The following GALNT13 variants were observed in gnomAD, a reference collection of about 807,000 sequenced individuals.
GALNT13 encodes UDP-GalNAc:polypeptide N-acetylgalactosaminyltransferase 13.
Under a neutral mutation model 64.2 loss-of-function variants are expected in GALNT13, and 28 were observed. That is an observed-to-expected ratio of 0.44 (90% CI 0.32 to 0.60). The LOEUF is 0.60. Ranked by LOEUF, GALNT13 falls within the 20% of genes least tolerant of loss-of-function variation. The probability of loss-of-function intolerance (pLI) is 0.05; values close to 1 mark genes in which losing one functional copy is unlikely to be tolerated. For synonymous variants in GALNT13, 214 were observed against 224.6 expected (o/e 0.95, Z 0.42); for missense variants, 577 against 669.8 (o/e 0.86, Z 1.53).
the GALNT13 span, among the ~76,000 whole-genome samples, chr2:153,090,373 T>A: frequency 6.6e-6 from 1 of 152,194 alleles, no homozygotes; most frequent in East Asian, 1.9e-4. Flanking sequence ...GAAGATTCTG[T>A]GAGAGTCCTT....
the GALNT13 span, among the ~76,000 whole-genome samples, chr2:153,632,987 C>G: frequency 1.3e-3 from 196 of 152,212 alleles, 2 homozygotes; most frequent in Non-Finnish European, 1.3e-3. Context: ...TCTCGAACTC[C>G]TGACCTCAAT....
intron 9 of GALNT13, among the ~76,000 whole-genome samples, chr2:154,352,052 A>G (rs1482767185): frequency 6.6e-6 from 1 of 152,204 alleles, no homozygotes; most frequent in Non-Finnish European, 1.5e-5. Context: ...TTTGATAACA[A>G]TACAAACTAG....
At chr2:153,151,247 C>T in the GALNT13 span, among the ~76,000 whole-genome samples, 730 of 151,922 alleles carry the variant, frequency 4.8e-3, 5 homozygotes, top group African/African-American at 0.017. Flanking sequence ...TCATCACTGG[C>T]CATCAGAGAA....
the GALNT13 span, among the ~76,000 whole-genome samples, chr2:153,403,892 C>T: frequency 3.3e-5 from 5 of 152,288 alleles, no homozygotes; most frequent in South Asian, 4.1e-4. Flanking sequence ...CCGTCTTCTG[C>T]GTCGCTCACA....
the GALNT13 span, among the ~76,000 whole-genome samples, chr2:153,762,818 T>C: frequency 0.9 from 134,502 of 150,116 alleles, 61,255 homozygotes; most frequent in African/African-American, 0.97. Flanking sequence ...GTTTTATATA[T>C]ATTTTTTCTT....
At chr2:153,120,698 A>G in the GALNT13 span, among the ~76,000 whole-genome samples, 5 of 152,142 alleles carry the variant, frequency 3.3e-5, no homozygotes. Flanking sequence ...ATTATTTGTT[A>G]TTTAGTACAA....
chr2:153,615,496 T>C, the GALNT13 span, among the ~76,000 whole-genome samples: 1 of 152,074 alleles, frequency 6.6e-6, no homozygotes, highest in Non-Finnish European at 1.5e-5. Context: ...CCACCAACCA[T>C]GTACAAGGGT....
chr2:153,513,538 CAGTT>C, the GALNT13 span, among the ~76,000 whole-genome samples: 5 of 152,332 alleles, frequency 3.3e-5, no homozygotes, highest in Admixed American at 6.5e-5. Flanking sequence ...CCCTCTTCCT[CAGTT>C]AGTTTGGTGC....
chr2:153,974,241 A>C (rs10931862), intron 3 of GALNT13, among the ~76,000 whole-genome samples: 2 of 151,966 alleles, frequency 1.3e-5, no homozygotes, highest in African/African-American at 2.4e-5. Flanking sequence ...GAAACTGTCT[A>C]TGGTCTGGCT....
chr2:153,897,855 G>A (rs191788424), intron 1 of GALNT13, among the ~76,000 whole-genome samples: 1 of 152,120 alleles, frequency 6.6e-6, no homozygotes, highest in East Asian at 1.9e-4. Context: ...ACCAGTAAAA[G>A]CCTCTTGAAG....
chr2:153,206,621 A>G, the GALNT13 span, among the ~76,000 whole-genome samples: 1 of 152,022 alleles, frequency 6.6e-6, no homozygotes, highest in South Asian at 2.1e-4. Flanking sequence ...AATGTAACTG[A>G]AGAGTTCATT....
chr2:153,696,982 C>T, the GALNT13 span, among the ~76,000 whole-genome samples: 1 of 152,246 alleles, frequency 6.6e-6, no homozygotes, highest in African/African-American at 2.4e-5. Context: ...GGAGTCAAAG[C>T]CATTTTCTAA....
chr2:153,946,657 C>A (rs1691770833), intron 3 of GALNT13, among the ~76,000 whole-genome samples: 1 of 151,660 alleles, frequency 6.6e-6, no homozygotes, highest in Non-Finnish European at 1.5e-5. Flanking sequence ...GCACTAATTG[C>A]ATTCATGAAG....
At chr2:153,998,129 A>G (rs1187199952) in intron 3 of GALNT13, among the ~76,000 whole-genome samples, 1 of 152,080 alleles carries the variant, frequency 6.6e-6, no homozygotes, top group African/African-American at 2.4e-5. Flanking sequence ...TTTATAGTAG[A>G]ATGATTTATA....
chr2:153,803,583 T>A, the GALNT13 span, among the ~76,000 whole-genome samples: 4 of 149,564 alleles, frequency 2.7e-5, no homozygotes, highest in Non-Finnish European at 5.9e-5. Flanking sequence ...TCCCAGCTAC[T>A]CGGGAGGCTG....
chr2:154,208,501 A>T (rs1284711018), intron 4 of GALNT13, among the ~76,000 whole-genome samples: 2 of 152,104 alleles, frequency 1.3e-5, no homozygotes, highest in African/African-American at 4.8e-5. Flanking sequence ...AATGATCTGG[A>T]GCTCAGGTTG....
chr2:153,410,046 A>G, the GALNT13 span, among the ~76,000 whole-genome samples: 1 of 152,234 alleles, frequency 6.6e-6, no homozygotes, highest in Admixed American at 6.5e-5. Flanking sequence ...TTAGAATACT[A>G]GGAAACAAAG....
chr2:153,521,493 C>T, the GALNT13 span, among the ~76,000 whole-genome samples: 17 of 152,282 alleles, frequency 1.1e-4, no homozygotes, highest in African/African-American at 2.2e-4. Flanking sequence ...ATCAACATCC[C>T]GTACCAGAGT....
chr2:153,642,700 A>G, the GALNT13 span, among the ~76,000 whole-genome samples: 2 of 151,910 alleles, frequency 1.3e-5, no homozygotes, highest in African/African-American at 4.8e-5. Context: ...AAAATTCAAC[A>G]ATTATTGAGC....
Sources: allele counts gnomAD v4.1 joint callset (sites outside exome capture counted in the v4.1 genomes callset), GRCh38; gene constraint gnomAD v4.1.1; transcripts MANE v1.5; gene names NCBI Gene and HGNC (gene_info 2026-07-23, HGNC 2026-07-21).